DPP10: variants seen among roughly 807,000 people sequenced by gnomAD.
DPP10 encodes inactive dipeptidyl peptidase 10.
Under a neutral mutation model 120.9 loss-of-function variants are expected in DPP10, and 33 were observed. The ratio of observed to expected loss-of-function variants is 0.27; its 90% CI spans 0.21 to 0.37. The LOEUF is 0.37. DPP10 is among the 10% of genes least tolerant of loss of function. The pLI, the probability that DPP10 is intolerant of heterozygous loss-of-function variation, is 1.00. For synonymous variants in DPP10, 337 were observed against 326.1 expected (o/e 1.03, Z -0.36); for missense variants, 816 against 942.8 (o/e 0.87, Z 1.76).
At chr2:114,785,805 T>A (rs1247703742) in intron 1 of DPP10, among the ~76,000 whole-genome samples, 1 of 152,206 alleles carries the variant, frequency 6.6e-6, no homozygotes, top group Non-Finnish European at 1.5e-5. Context: ...AGTTTTGGGG[T>A]CTAGTTATTC....
At chr2:114,791,673 T>C (rs972559377) in intron 1 of DPP10, among the ~76,000 whole-genome samples, 1 of 152,194 alleles carries the variant, frequency 6.6e-6, no homozygotes, top group African/African-American at 2.4e-5. Flanking sequence ...GACTGTAGAT[T>C]GCTGAATAGA....
chr2:115,297,861 C>G (rs1444631896), intron 1 of DPP10, among the ~76,000 whole-genome samples: 1 of 152,014 alleles, frequency 6.6e-6, no homozygotes, highest in Non-Finnish European at 1.5e-5. Flanking sequence ...GCTTATCAAT[C>G]CCAGAAATTT....
chr2:115,797,099 G>A (rs1424860072), intron 19 of DPP10, among the ~76,000 whole-genome samples: 1 of 151,934 alleles, frequency 6.6e-6, no homozygotes, highest in Non-Finnish European at 1.5e-5. Flanking sequence ...GTTTATAATA[G>A]TTTCTGGAAT....
chr2:115,389,278 A>AACACACACACACACACACAC, intron 3 of DPP10, among the ~76,000 whole-genome samples: 1 of 149,642 alleles, frequency 6.7e-6, no homozygotes, highest in Non-Finnish European at 1.5e-5. Context: ...CACACACACA[A>AACACACACACACACACACAC]ACACACACAC....
rs2149227436 is a variant in DPP10, at chr2:115,604,197, T to C, written c.441+78225T>C. On this transcript the variant is annotated intron_variant, in intron 5 of 25. Transcript: ENST00000410059. ...TATTCTGTGCCCTGATTGCATGTTTTGTTAAGTTGGGTGATGACAGTGGAT... is the reference window on the plus strand; with the variant it reads ...TATTCTGTGCCCTGATTGCATGTTTCGTTAAGTTGGGTGATGACAGTGGAT... Among the ~76,000 whole-genome samples, 3 of 152,254 alleles carry C rather than the reference T, an allele frequency of 2.0e-5. No individual in the cohort carries two copies. In the Middle Eastern group the frequency reaches 0.01, roughly 518 times the overall value.
At chr2:115,678,410 T>C (rs1379991874) in intron 5 of DPP10, among the ~76,000 whole-genome samples, 1 of 152,228 alleles carries the variant, frequency 6.6e-6, no homozygotes, top group Non-Finnish European at 1.5e-5. Context: ...GGCCATTGCT[T>C]CAGGTGCAAG....
At chr2:114,451,506 A>AG (rs2104537480) in intron 1 of DPP10, among the ~76,000 whole-genome samples, 1 of 152,238 alleles carries the variant, frequency 6.6e-6, no homozygotes, top group African/African-American at 2.4e-5. Flanking sequence ...AACTCTACAT[A>AG]GGAGTTAGAT....
intron 1 of DPP10, among the ~76,000 whole-genome samples, chr2:115,126,046 T>TTA (rs1174201212): frequency 6.6e-6 from 1 of 152,176 alleles, no homozygotes; most frequent in Non-Finnish European, 1.5e-5. Context: ...TACCTTTATC[T>TTA]TATATAATTT....
chr2:114,466,438 A>G (rs893419462), intron 1 of DPP10, among the ~76,000 whole-genome samples: 1 of 152,204 alleles, frequency 6.6e-6, no homozygotes, highest in South Asian at 2.1e-4. Context: ...TTTATTACAC[A>G]ATAGTTGTGA....
At chr2:115,126,899 G>A (rs980758825) in intron 1 of DPP10, among the ~76,000 whole-genome samples, 4 of 152,050 alleles carry the variant, frequency 2.6e-5, no homozygotes, top group African/African-American at 9.7e-5. Context: ...TCCTCCAATG[G>A]GTAAGATACC....
intron 1 of DPP10, among the ~76,000 whole-genome samples, chr2:114,568,691 A>C (rs1689398950): frequency 6.6e-6 from 1 of 152,246 alleles, no homozygotes; most frequent in African/African-American, 2.4e-5. Context: ...ACCTTGCATA[A>C]GTAAACGCGA....
chr2:115,745,305 A>G (rs1462623451), intron 9 of DPP10, among the ~76,000 whole-genome samples: 1 of 150,688 alleles, frequency 6.6e-6, no homozygotes, highest in East Asian at 1.9e-4. Flanking sequence ...TAGTAGGGAC[A>G]TTTAATTTAA....
chr2:114,451,785 C>T (rs889523070), intron 1 of DPP10, among the ~76,000 whole-genome samples: 1 of 152,102 alleles, frequency 6.6e-6, no homozygotes, highest in African/African-American at 2.4e-5. Context: ...ATTCAGGACA[C>T]AGTTCTATGA....
At chr2:114,868,497 A>G (rs1304934180) in intron 1 of DPP10, among the ~76,000 whole-genome samples, 1 of 152,148 alleles carries the variant, frequency 6.6e-6, no homozygotes, top group Non-Finnish European at 1.5e-5. Context: ...TCAGTGCATG[A>G]TGGTGCACTG....
intron 1 of DPP10, among the ~76,000 whole-genome samples, chr2:114,725,388 T>C (rs1022586549): frequency 2.6e-5 from 4 of 152,228 alleles, no homozygotes; most frequent in Non-Finnish European, 5.9e-5. Flanking sequence ...CTGCATCAAA[T>C]TGTCTTCTGC....
intron 1 of DPP10, among the ~76,000 whole-genome samples, chr2:114,481,518 C>G (rs1681043960): frequency 1.3e-5 from 2 of 152,072 alleles, no homozygotes; most frequent in Non-Finnish European, 2.9e-5. Flanking sequence ...TACTCTTTGG[C>G]ATTTATCCCA....
At chr2:114,499,585 T>TC (rs1682979510) in intron 1 of DPP10, among the ~76,000 whole-genome samples, 2 of 151,980 alleles carry the variant, frequency 1.3e-5, no homozygotes, top group Non-Finnish European at 2.9e-5. Flanking sequence ...TTTTTTTTTT[T>TC]CTGGGTTAAG....
chr2:114,754,022 T>C (rs1347673337), intron 1 of DPP10, among the ~76,000 whole-genome samples: 1 of 151,912 alleles, frequency 6.6e-6, no homozygotes, highest in African/African-American at 2.4e-5. Context: ...GCAGATGATA[T>C]GTAAAATGCT....
chr2:114,453,216 C>T (rs984135722), intron 1 of DPP10, among the ~76,000 whole-genome samples: 1 of 152,058 alleles, frequency 6.6e-6, no homozygotes, highest in Admixed American at 6.6e-5. Context: ...TAGGCAATGC[C>T]ATGATCCAAG....
Sources: gnomAD v4.1 joint callset for allele counts (sites outside exome capture counted in the v4.1 genomes callset) on GRCh38, gnomAD v4.1.1 for gene constraint, MANE v1.5 for transcripts, NCBI Gene and HGNC (gene_info 2026-07-23, HGNC 2026-07-21) for gene names.